QTMAN: variants seen among roughly 807,000 people sequenced by gnomAD.
QTMAN encodes queuosine-tRNA mannosyltransferase.
chr2:144,130,887 C>T, the QTMAN span, among the ~76,000 whole-genome samples: 1 of 151,824 alleles, frequency 6.6e-6, no homozygotes, highest in African/African-American at 2.4e-5. Flanking sequence ...TCTCATGATT[C>T]TCTATCCAAA....
chr2:144,128,054 A>G, the QTMAN span: 1 of 152,028 alleles, frequency 6.6e-6, no homozygotes, highest in Non-Finnish European at 1.5e-5. Context: ...CCTGCAATGG[A>G]AAATTTAAAT....
At chr2:144,114,447 A>G in the QTMAN span, among the ~76,000 whole-genome samples, 1 of 152,206 alleles carries the variant, frequency 6.6e-6, no homozygotes, top group African/African-American at 2.4e-5. Flanking sequence ...GGGGTGCTCC[A>G]AGTTACACAT....
chr2:144,092,941 C>T, the QTMAN span, among the ~76,000 whole-genome samples: 2 of 148,162 alleles, frequency 1.3e-5, no homozygotes, highest in African/African-American at 5.0e-5. Context: ...GGAAAACCAC[C>T]AGGAATAAAC....
chr2:143,996,927 A>G, the QTMAN span, among the ~76,000 whole-genome samples: 10 of 152,120 alleles, frequency 6.6e-5, no homozygotes, highest in African/African-American at 2.4e-4. Flanking sequence ...AATAGTTTAT[A>G]TAGCATGTAG....
At chr2:144,130,375 C>T in the QTMAN span, among the ~76,000 whole-genome samples, 1 of 151,848 alleles carries the variant, frequency 6.6e-6, no homozygotes. Flanking sequence ...GCACTCAGTA[C>T]AGCATAGTAA....
the QTMAN span, among the ~76,000 whole-genome samples, chr2:144,018,597 A>C: frequency 6.6e-6 from 1 of 152,210 alleles, no homozygotes; most frequent in African/African-American, 2.4e-5. Flanking sequence ...CAGATGGATA[A>C]ATTTGAAATA....
At chr2:144,164,514 C>T in the QTMAN span, among the ~76,000 whole-genome samples, 1 of 152,140 alleles carries the variant, frequency 6.6e-6, no homozygotes, top group Non-Finnish European at 1.5e-5. Context: ...TCTACTCTTA[C>T]TATTCTTGTT....
the QTMAN span, among the ~76,000 whole-genome samples, chr2:144,298,830 G>C: frequency 2.0e-5 from 3 of 152,196 alleles, no homozygotes; most frequent in Admixed American, 6.5e-5. Context: ...CTCTCTTGGG[G>C]AGCTTATGTG....
chr2:143,983,613 C>T, the QTMAN span, among the ~76,000 whole-genome samples: 4 of 151,906 alleles, frequency 2.6e-5, no homozygotes, highest in Non-Finnish European at 4.4e-5. Flanking sequence ...GCTGGGACTA[C>T]AGGTCCCCTG....
chr2:144,207,062 A>T, the QTMAN span, among the ~76,000 whole-genome samples: 6 of 152,336 alleles, frequency 3.9e-5, no homozygotes, highest in East Asian at 1.2e-3. Flanking sequence ...CAATAGTCTT[A>T]TCATTGCCTT....
At chr2:144,252,896 A>C in the QTMAN span, among the ~76,000 whole-genome samples, 2 of 152,232 alleles carry the variant, frequency 1.3e-5, no homozygotes, top group Admixed American at 6.5e-5. Flanking sequence ...ATATCCATAC[A>C]ATGGAATATT....
the QTMAN span, among the ~76,000 whole-genome samples, chr2:143,996,734 G>C: frequency 1.3e-5 from 2 of 152,006 alleles, no homozygotes; most frequent in African/African-American, 2.4e-5. Context: ...CATTTTCTAA[G>C]GAAGTATCAG....
At chr2:144,204,333 G>C in the QTMAN span, among the ~76,000 whole-genome samples, 3 of 152,136 alleles carry the variant, frequency 2.0e-5, no homozygotes, top group African/African-American at 7.2e-5. Context: ...GTAGGCGAAG[G>C]ATATGAACAG....
chr2:144,029,057 C>T, the QTMAN span, among the ~76,000 whole-genome samples: 1 of 152,124 alleles, frequency 6.6e-6, no homozygotes, highest in African/African-American at 2.4e-5. Context: ...AACCCTGGGC[C>T]AATATGATAA....
chr2:144,063,853 T>C, the QTMAN span, among the ~76,000 whole-genome samples: 1 of 152,188 alleles, frequency 6.6e-6, no homozygotes, highest in Non-Finnish European at 1.5e-5. Context: ...CTCCAAATTC[T>C]GGGTGTGCCT....
chr2:144,129,766 T>C, the QTMAN span, among the ~76,000 whole-genome samples: 5 of 152,030 alleles, frequency 3.3e-5, no homozygotes, highest in African/African-American at 9.7e-5. Flanking sequence ...AGATATCCTA[T>C]ATGAAGTTCT....
At chr2:144,126,729 T>C in the QTMAN span, among the ~76,000 whole-genome samples, 1 of 151,994 alleles carries the variant, frequency 6.6e-6, no homozygotes, top group Admixed American at 6.6e-5. Context: ...ACTGATAATG[T>C]TAAGTGGGGG....
chr2:144,236,994 T>G, the QTMAN span, among the ~76,000 whole-genome samples: 1 of 152,126 alleles, frequency 6.6e-6, no homozygotes, highest in Non-Finnish European at 1.5e-5. Context: ...TCATGTCGTA[T>G]ATATTCTCAA....
the QTMAN span, chr2:144,007,515 G>T: frequency 1.3e-6 from 2 of 1,588,520 alleles, no homozygotes; most frequent in South Asian, 1.2e-5. Flanking sequence ...TAAATGGGTT[G>T]TTTTGTGCTT....
Sources: gnomAD v4.1 joint callset for allele counts (sites outside exome capture counted in the v4.1 genomes callset) on GRCh38, gnomAD v4.1.1 for gene constraint, MANE v1.5 for transcripts, NCBI Gene and HGNC (gene_info 2026-07-23, HGNC 2026-07-21) for gene names.